RAI14: variants seen among roughly 807,000 people sequenced by gnomAD.
RAI14 encodes the protein retinoic acid induced 14.
Under a neutral mutation model 115.4 loss-of-function variants are expected in RAI14, and 45 were observed. The ratio of observed to expected loss-of-function variants is 0.39; its 90% CI spans 0.31 to 0.50. The LOEUF (loss-of-function observed/expected upper bound fraction) is 0.50. RAI14 is among the 20% of genes least tolerant of loss of function. RAI14 has a pLI of 0.85. For missense variants in RAI14, 939 were observed against 1,131.2 expected, an observed-to-expected ratio of 0.83 and a Z score of 2.44; for synonymous variants, 371 against 415.4, an observed-to-expected ratio of 0.89 and a Z score of 1.30.
chr5:34,731,336 T>C (rs1744144592), intron 2 of RAI14, among the ~76,000 whole-genome samples: 1 of 152,248 alleles, frequency 6.6e-6, no homozygotes, highest in South Asian at 2.1e-4. Flanking sequence ...TATCTTCACC[T>C]AAAATAAAGA....
intron 2 of RAI14, chr5:34,716,050 T>C (rs972015703): frequency 6.6e-6 from 3 of 452,180 alleles, no homozygotes; most frequent in African/African-American, 6.0e-5. Flanking sequence ...TTTCCTGTCC[T>C]CTAGGAATTT....
intron 1 of RAI14, among the ~76,000 whole-genome samples, chr5:34,685,966 CT>C (rs1484908165): frequency 2.0e-5 from 3 of 152,172 alleles, no homozygotes; most frequent in Admixed American, 6.5e-5. Flanking sequence ...GAGAGGCCCC[CT>C]GAGGAATGAG....
In RAI14 at chr5:34,758,051, A is replaced by T. The variant is rs138098999; in HGVS notation, c.167+453A>T. 3.4e-3 allele frequency among the ~76,000 whole-genome samples: 510 copies of T among 151,970 alleles called. 4 individuals carry two copies. Among genetic ancestry groups the T allele is most frequent in the African/African-American group, 0.012 (483 of 41,556 alleles). Reference sequence around the variant, plus strand: ...GTATGTAGTACTCTTCCTTGCCATAATTAAAGCTGTATATTTGATTAAGTA... The same window carrying T: ...GTATGTAGTACTCTTCCTTGCCATATTTAAAGCTGTATATTTGATTAAGTA... On this transcript the variant is annotated intron_variant, in intron 3 of 17. Transcript: ENST00000265109.
At chr5:34,800,439 A>G (rs972722175) in intron 4 of RAI14, among the ~76,000 whole-genome samples, 5 of 152,218 alleles carry the variant, frequency 3.3e-5, no homozygotes, top group African/African-American at 1.2e-4. Flanking sequence ...ATCCACAGCT[A>G]TATGGGAGTC....
At chr5:34,664,603 T>G (rs906679170) in intron 1 of RAI14, among the ~76,000 whole-genome samples, 2 of 152,062 alleles carry the variant, frequency 1.3e-5, no homozygotes, top group African/African-American at 4.8e-5. Flanking sequence ...ATAAGTTCAA[T>G]TTGCTTAATT....
intron 3 of RAI14, among the ~76,000 whole-genome samples, chr5:34,762,839 AC>A (rs1748826584): frequency 6.6e-6 from 1 of 152,122 alleles, no homozygotes; most frequent in Admixed American, 6.5e-5. Context: ...TGTCTTACGA[AC>A]AACCAGACTA....
intron 17 of RAI14, among the ~76,000 whole-genome samples, chr5:34,830,193 A>G (rs1451207577): frequency 6.6e-6 from 1 of 152,140 alleles, no homozygotes; most frequent in Admixed American, 6.6e-5. Context: ...CATGTTGCCC[A>G]GGCTGGTCTC....
Position 34,811,787 on chromosome 5 carries a change from G to C in RAI14, c.578G>C (p.Cys193Ser), listed in dbSNP as rs755011132. The change falls in exon 9 of 18, where the codon TGT becomes TCT. Residue 193 changes from cysteine (C) to serine (S), a missense_variant. Physicochemically the swap from Cys to Ser is moderately radical, Grantham distance 112 (BLOSUM62 -1). Transcript: ENST00000265109. ...KSGRTALMLA[C>S]EIGSSNAVEA... is the part of the protein sequence containing the mutation. Reference sequence around the variant, plus strand: ...TTTAGAACTGCTCTCATGCTGGCCTGTGAGATTGGCAGCTCTAACGCTGTG... The same window carrying C: ...TTTAGAACTGCTCTCATGCTGGCCTCTGAGATTGGCAGCTCTAACGCTGTG... 3.2e-5 allele frequency: 52 copies of C among 1,612,912 alleles called. No individual in the cohort carries two copies. The highest frequency in any genetic ancestry group is 4.3e-5 in the Non-Finnish European group (51 of 1,179,832).
chr5:34,674,686 G>C (rs1377556429), intron 1 of RAI14, among the ~76,000 whole-genome samples: 2 of 150,550 alleles, frequency 1.3e-5, no homozygotes, highest in Non-Finnish European at 2.9e-5. Flanking sequence ...CCAGATTCAA[G>C]CGATTCTCCT....
chr5:34,796,658 G>A (rs1390415434), intron 4 of RAI14, among the ~76,000 whole-genome samples: 2 of 152,062 alleles, frequency 1.3e-5, no homozygotes, highest in Non-Finnish European at 2.9e-5. Flanking sequence ...GGTGATGAGT[G>A]AGTTACTCAG....
intron 2 of RAI14, among the ~76,000 whole-genome samples, chr5:34,690,017 G>A (rs770988915): frequency 5.9e-5 from 9 of 152,168 alleles, no homozygotes; most frequent in Admixed American, 3.9e-4. Context: ...AAGTTTACAC[G>A]GTCTGGAGGG....
intron 2 of RAI14, among the ~76,000 whole-genome samples, chr5:34,693,648 G>A (rs1050667344): frequency 2.0e-5 from 3 of 152,176 alleles, no homozygotes; most frequent in Admixed American, 6.5e-5. Context: ...GGCCAAAGTC[G>A]CACATTTGGT....
Position 34,827,780 on chromosome 5 carries a change from C to T in RAI14, c.2799+1301C>T, listed in dbSNP as rs1471359356. On this transcript the variant is annotated intron_variant, in intron 16 of 17. Coordinates refer to ENST00000265109, the MANE Select transcript of RAI14 (RefSeq NM_015577.3). This position sits in a 1 kb window ranked among gnomAD's most constrained non-coding sequence, Gnocchi z 4.2. ...TTACGCAACATGTGTTTGTTGAGCT[C>T]TTACATCAGTATTATACATGGGGCT... Among the ~76,000 whole-genome samples, 1 of 152,200 alleles carries T rather than the reference C, an allele frequency of 6.6e-6. No homozygotes were observed. The highest frequency in any genetic ancestry group is 1.5e-5 in the Non-Finnish European group (1 of 68,036).
intron 14 of RAI14, 56 bp downstream of exon 14, chr5:34,821,906 T>C (rs1756868242): frequency 1.1e-6 from 1 of 928,618 alleles, no homozygotes; most frequent in Admixed American, 2.1e-5. Context: ...TCTTGGTCTT[T>C]TCAGTAGTCA....
At chr5:34,702,148 C>A (rs994751954) in intron 2 of RAI14, among the ~76,000 whole-genome samples, 2 of 152,176 alleles carry the variant, frequency 1.3e-5, no homozygotes, top group Admixed American at 6.5e-5. Context: ...ACTATGATTT[C>A]ATTATTCAGT....
At chr5:34,708,951 T>C (rs1295761204) in intron 2 of RAI14, among the ~76,000 whole-genome samples, 1 of 151,952 alleles carries the variant, frequency 6.6e-6, no homozygotes, top group Non-Finnish European at 1.5e-5. Context: ...GAAACCAGTC[T>C]GGGCAACATA....
At chr5:34,785,877 C>T (rs1385360563) in intron 3 of RAI14, among the ~76,000 whole-genome samples, 2 of 152,128 alleles carry the variant, frequency 1.3e-5, no homozygotes, top group Non-Finnish European at 2.9e-5. Context: ...TTTGAGTTGC[C>T]CCATTGTAAT....
chr5:34,670,931 G>C (rs182427424), intron 1 of RAI14, among the ~76,000 whole-genome samples: 25 of 152,264 alleles, frequency 1.6e-4, no homozygotes, highest in Middle Eastern at 3.4e-3. Context: ...CAATGGTATA[G>C]TTAATTCCCT....
At chr5:34,807,274 G>A (rs1170351480) in intron 5 of RAI14, among the ~76,000 whole-genome samples, 1 of 152,122 alleles carries the variant, frequency 6.6e-6, no homozygotes, top group Non-Finnish European at 1.5e-5. Flanking sequence ...AGGGCTCTAG[G>A]AGCTGAGAGG....
Sources: gnomAD v4.1 joint callset for allele counts (sites outside exome capture counted in the v4.1 genomes callset) on GRCh38, gnomAD v4.1.1 for gene constraint, Gnocchi (gnomAD v3.1) non-coding constraint, MANE v1.5 for transcripts, NCBI Gene and HGNC (gene_info 2026-07-23, HGNC 2026-07-21) for gene names.